The following ARHGAP32 variants were observed in gnomAD, a reference collection of about 807,000 sequenced individuals.
The protein encoded by ARHGAP32 is Rho GTPase activating protein 32, also known as rho GTPase-activating protein 32.
A neutral mutation model predicts 186.5 loss-of-function variants in ARHGAP32; 51 were observed. The ratio of observed to expected loss-of-function variants is 0.27; its 90% confidence interval spans 0.22 to 0.35. ARHGAP32 has a LOEUF of 0.35. Ranked by LOEUF, ARHGAP32 falls within the 10% of genes least tolerant of loss-of-function variation. The pLI, the probability that ARHGAP32 is intolerant of heterozygous loss-of-function variation, is 1.00. For synonymous variants in ARHGAP32, 950 were observed against 964.3 expected (o/e 0.99, Z 0.27); for missense variants, 2,186 against 2,623.5 (o/e 0.83, Z 3.64).
chr11:129,143,384 AAAAC>A (rs1452681511), intron 2 of ARHGAP32, among the ~76,000 whole-genome samples: 2 of 152,152 alleles, frequency 1.3e-5, no homozygotes, highest in Non-Finnish European at 2.9e-5. Context: ...ATTCCTGAAA[AAAAC>A]AATGTATAAG....
intron 15 of ARHGAP32, among the ~76,000 whole-genome samples, chr11:128,982,528 G>C (rs1263144212): frequency 1.3e-5 from 2 of 149,344 alleles, no homozygotes; most frequent in Non-Finnish European, 3.0e-5. Context: ...TGCACACACA[G>C]AGGTATTATC....
chr11:129,207,309 G>A (rs10893992), intron 1 of ARHGAP32, among the ~76,000 whole-genome samples: 21,461 of 152,106 alleles, frequency 0.14, 1,772 homozygotes, highest in African/African-American at 0.22. Flanking sequence ...TTGAGGAATC[G>A]TCACACTGTC....
In ARHGAP32 at chr11:128,975,022, G is replaced by A. The variant is rs1335438716; in HGVS notation, c.2195-20C>T. 2.5e-6 allele frequency: 4 copies of A among 1,581,824 alleles called. No homozygotes were observed. The highest frequency in any genetic ancestry group is 3.4e-6 in the Non-Finnish European group (4 of 1,164,984). On this transcript the variant is annotated intron_variant, in intron 20 of 22. Coordinates refer to ENST00000682385, the MANE Select transcript of ARHGAP32 (RefSeq NM_001378024.1). ...AATCACCTGGAAAAAATGAATAACA[G>A]TGTCAAAGTAAGAACATCGTAGATA...
chr11:129,270,608 T>C (rs1173083281), intron 1 of ARHGAP32, among the ~76,000 whole-genome samples: 2 of 151,000 alleles, frequency 1.3e-5, no homozygotes, highest in Non-Finnish European at 2.9e-5. Context: ...CTGTAACAAA[T>C]ATGCGACTCT....
At chr11:128,992,010 A>C (rs1946069905) in intron 12 of ARHGAP32, among the ~76,000 whole-genome samples, 1 of 152,204 alleles carries the variant, frequency 6.6e-6, no homozygotes, top group Admixed American at 6.5e-5. Context: ...TACAGACGAA[A>C]AAGCTGAGTT....
At chr11:129,074,191 G>C (rs1940963795) in intron 6 of ARHGAP32, among the ~76,000 whole-genome samples, 1 of 152,042 alleles carries the variant, frequency 6.6e-6, no homozygotes, top group Non-Finnish European at 1.5e-5. Flanking sequence ...ATACAACTTT[G>C]GTTCCTTATT....
At chr11:128,997,440 T>G (rs1946230589) in intron 12 of ARHGAP32, among the ~76,000 whole-genome samples, 1 of 152,178 alleles carries the variant, frequency 6.6e-6, no homozygotes, top group Non-Finnish European at 1.5e-5. Context: ...TACCATTGTT[T>G]TTCACTAATG....
intron 10 of ARHGAP32, among the ~76,000 whole-genome samples, chr11:129,061,810 T>C (rs993029295): frequency 3.3e-5 from 5 of 152,248 alleles, no homozygotes; most frequent in Admixed American, 6.5e-5. Context: ...AGGGAAACCG[T>C]AGATAAGGGA....
chr11:129,158,079 T>TTGTAAG (rs1301766226), intron 2 of ARHGAP32, among the ~76,000 whole-genome samples: 1 of 152,120 alleles, frequency 6.6e-6, no homozygotes, highest in East Asian at 1.9e-4. Context: ...AAGGAAGCAC[T>TTGTAAG]ACATATGGAA....
intron 1 of ARHGAP32, among the ~76,000 whole-genome samples, chr11:129,226,142 C>A (rs1025210411): frequency 3.3e-5 from 5 of 152,058 alleles, no homozygotes; most frequent in African/African-American, 1.2e-4. Flanking sequence ...GGACCAATGC[C>A]TAGAGAACTG....
At chr11:129,279,346 T>A (rs1945581290), upstream of ARHGAP32, 1 of 140,972 alleles carries the variant, frequency 7.1e-6, no homozygotes, top group Non-Finnish European at 1.6e-5. Flanking sequence ...CAGCGCCTCA[T>A]CCCGCCTCGC....
chr11:129,059,893 C>G (rs1340879106), intron 10 of ARHGAP32, among the ~76,000 whole-genome samples: 1 of 152,180 alleles, frequency 6.6e-6, no homozygotes, highest in Non-Finnish European at 1.5e-5. Flanking sequence ...CTCACAGGCA[C>G]ACTCCAACAT....
chr11:129,253,346 T>C (rs1945210960), intron 1 of ARHGAP32, among the ~76,000 whole-genome samples: 2 of 152,134 alleles, frequency 1.3e-5, no homozygotes, highest in Admixed American at 6.6e-5. Flanking sequence ...TTTTCAATCC[T>C]AGCAAAAAGA....
intron 6 of ARHGAP32, among the ~76,000 whole-genome samples, chr11:129,093,331 G>C (rs533516244): frequency 2.7e-3 from 406 of 152,164 alleles, no homozygotes; most frequent in African/African-American, 9.3e-3. Flanking sequence ...TTACTCATAA[G>C]TGTCAAAAGC....
At chr11:129,102,940 A>T (rs1401961198) in intron 5 of ARHGAP32, among the ~76,000 whole-genome samples, 4 of 152,218 alleles carry the variant, frequency 2.6e-5, no homozygotes, top group Non-Finnish European at 4.4e-5. Context: ...TCACAGAAGC[A>T]TTATTCATCA....
intron 5 of ARHGAP32, among the ~76,000 whole-genome samples, chr11:129,094,938 T>C (rs1457131928): frequency 1.3e-5 from 2 of 152,196 alleles, no homozygotes; most frequent in East Asian, 1.9e-4. Flanking sequence ...ATGGACAGTG[T>C]CCACCCAGGT....
intron 1 of ARHGAP32, among the ~76,000 whole-genome samples, chr11:129,229,493 CAA>C (rs1239286856): frequency 5.9e-5 from 9 of 152,146 alleles, no homozygotes; most frequent in Admixed American, 4.6e-4. Context: ...TACCAATTAT[CAA>C]AGAGCTAATT....
chr11:129,134,913 C>T (rs1942901367), intron 2 of ARHGAP32, among the ~76,000 whole-genome samples: 1 of 152,182 alleles, frequency 6.6e-6, no homozygotes, highest in Admixed American at 6.5e-5. Flanking sequence ...TCTTAGACTT[C>T]CCAGCCTCCA....
At chr11:129,004,085 T>C (rs1200648063) in intron 11 of ARHGAP32, among the ~76,000 whole-genome samples, 1 of 151,962 alleles carries the variant, frequency 6.6e-6, no homozygotes, top group Non-Finnish European at 1.5e-5. Flanking sequence ...TTTCCAGAAA[T>C]TTTTTCAATT....
Sources: allele counts gnomAD v4.1 joint callset (sites outside exome capture counted in the v4.1 genomes callset), GRCh38; gene constraint gnomAD v4.1.1; transcripts MANE v1.5; gene names NCBI Gene and HGNC (gene_info 2026-07-23, HGNC 2026-07-21).